The following CSMD1 variants were observed in gnomAD, a reference collection of about 807,000 sequenced individuals.
CSMD1 encodes CUB and sushi domain-containing protein 1.
A neutral mutation model predicts 417.5 loss-of-function variants in CSMD1; 213 were observed. The observed-to-expected ratio is 0.51, with a 90% CI of 0.46 to 0.57. The LOEUF (loss-of-function observed/expected upper bound fraction) is 0.57, where lower values mean the gene tolerates loss of function less well. Ranked by LOEUF, CSMD1 falls within the 20% of genes least tolerant of loss-of-function variation. CSMD1 has a pLI of 0.00. For synonymous variants in CSMD1, 2,862 were observed against 1,736.8 expected, an observed-to-expected ratio of 1.65 and a Z score of -16.11; for missense variants, 6,923 against 4,529.7, an observed-to-expected ratio of 1.53 and a Z score of -15.17.
intron 27 of CSMD1, among the ~76,000 whole-genome samples, chr8:3,229,662 T>C (rs908282657): frequency 1.3e-5 from 2 of 152,180 alleles, no homozygotes; most frequent in African/African-American, 4.8e-5. Flanking sequence ...AAAGTACTTT[T>C]AGTGAGTAGG....
intron 3 of CSMD1, among the ~76,000 whole-genome samples, chr8:4,392,890 A>C (rs1464261612): frequency 4.6e-5 from 7 of 151,870 alleles, no homozygotes; most frequent in Admixed American, 2.6e-4. Context: ...AATTGCTTGA[A>C]CCCAGGAGAC....
At chr8:3,437,830 C>T (rs1468911682) in intron 12 of CSMD1, among the ~76,000 whole-genome samples, 1 of 151,990 alleles carries the variant, frequency 6.6e-6, no homozygotes, top group Non-Finnish European at 1.5e-5. Flanking sequence ...TCACTGCAAC[C>T]TCAGCCTCCT....
At chr8:4,044,648 G>A (rs6988830) in intron 3 of CSMD1, among the ~76,000 whole-genome samples, 31 of 126,692 alleles carry the variant, frequency 2.4e-4, no homozygotes, top group Admixed American at 2.1e-3. Flanking sequence ...CACCCTGTAC[G>A]TGTACCACCC....
At chr8:4,228,023 C>G (rs373413410) in intron 3 of CSMD1, among the ~76,000 whole-genome samples, 2 of 150,810 alleles carry the variant, frequency 1.3e-5, no homozygotes, top group African/African-American at 4.9e-5. Context: ...ATACCCTCCA[C>G]CCCACATTAA....
intron 1 of CSMD1, among the ~76,000 whole-genome samples, chr8:4,719,346 G>T (rs576594052): frequency 6.6e-6 from 1 of 152,106 alleles, no homozygotes; most frequent in East Asian, 1.9e-4. Context: ...TCTCTCTCAC[G>T]TGCCAATGCG....
intron 3 of CSMD1, among the ~76,000 whole-genome samples, chr8:4,085,054 A>G (rs1354054544): frequency 2.6e-5 from 4 of 152,190 alleles, no homozygotes; most frequent in Admixed American, 6.5e-5. Flanking sequence ...TTCATAAGCA[A>G]TATGTTGCCA....
At chr8:4,143,308 C>G (rs1803905052) in intron 3 of CSMD1, among the ~76,000 whole-genome samples, 1 of 149,360 alleles carries the variant, frequency 6.7e-6, no homozygotes, top group African/African-American at 2.5e-5. Flanking sequence ...TGTAGTATTG[C>G]TTTTTATTTC....
chr8:3,982,746 G>C (rs1358126335), intron 5 of CSMD1, among the ~76,000 whole-genome samples: 1 of 152,112 alleles, frequency 6.6e-6, no homozygotes. Flanking sequence ...GGCTTAACGT[G>C]GAAGGAGCTG....
intron 3 of CSMD1, among the ~76,000 whole-genome samples, chr8:4,325,466 A>C (rs1471142494): frequency 6.6e-6 from 1 of 152,180 alleles, no homozygotes; most frequent in Admixed American, 6.5e-5. Flanking sequence ...AGAATCGTCT[A>C]CTTTCAAGCG....
At position 3,967,390 on chromosome 8, in the gene CSMD1, G is replaced by A. The variant is rs1812749828; in HGVS notation, c.818+30513C>T. On this transcript the variant is annotated intron_variant, in intron 5 of 69. Transcript: ENST00000635120. Reference sequence around the variant, plus strand: ...GAACTGCAGGCTCATTATTCTCTAGGGAGGTTGTCATTCAACCTGTATCAC... The same window carrying A: ...GAACTGCAGGCTCATTATTCTCTAGAGAGGTTGTCATTCAACCTGTATCAC... 3.3e-5 allele frequency among the ~76,000 whole-genome samples: 5 copies of A among 151,962 alleles called. No homozygotes were observed. The South Asian group carries it at 6.2e-4, about 19-fold the overall frequency.
intron 36 of CSMD1, among the ~76,000 whole-genome samples, chr8:3,186,551 T>C (rs1397491523): frequency 6.6e-6 from 1 of 152,180 alleles, no homozygotes; most frequent in Non-Finnish European, 1.5e-5. Flanking sequence ...TTGAACCATT[T>C]GAAGTGATAA....
At chr8:3,096,403 G>A (rs1460872138) in intron 47 of CSMD1, among the ~76,000 whole-genome samples, 1 of 152,128 alleles carries the variant, frequency 6.6e-6, no homozygotes, top group Non-Finnish European at 1.5e-5. Context: ...CACAAGATCT[G>A]ATGGTTTTAA....
At position 4,129,680 on chromosome 8, in the gene CSMD1, A is replaced by C. The variant is rs1422327384; in HGVS notation, c.416-97581T>G. On this transcript the variant is annotated intron_variant, in intron 3 of 69. Coordinates refer to ENST00000635120, the MANE Select transcript of CSMD1 (RefSeq NM_033225.6). ...TGTCCCAATGTTCTGAAATCACCTA[A>C]TGACATTTTGTTATACAAGTCCATT... Among the ~76,000 whole-genome samples, 4 of 152,180 alleles carry C rather than the reference A, an allele frequency of 2.6e-5. No homozygotes were observed. In the East Asian group the frequency reaches 7.7e-4, roughly 29 times the overall value.
chr8:3,662,855 G>T (rs558746666), intron 7 of CSMD1, among the ~76,000 whole-genome samples: 26 of 152,100 alleles, frequency 1.7e-4, no homozygotes, highest in South Asian at 2.1e-4. Flanking sequence ...GGGGGAAAGA[G>T]GGGGGAGAGC....
At chr8:3,931,828 G>C (rs1158493687) in intron 5 of CSMD1, among the ~76,000 whole-genome samples, 1 of 147,844 alleles carries the variant, frequency 6.8e-6, no homozygotes, top group Admixed American at 6.7e-5. Context: ...TTCAAGCAGA[G>C]GACTGGGCTA....
chr8:3,019,652 T>A (rs1445220119), intron 51 of CSMD1, among the ~76,000 whole-genome samples: 1 of 152,226 alleles, frequency 6.6e-6, no homozygotes, highest in Admixed American at 6.5e-5. Flanking sequence ...GGGGTGACCC[T>A]ATGCCCCATG....
chr8:4,710,091 G>A lies in CSMD1; in HGVS notation c.86-72533C>T, dbSNP rs73514803. Among the ~76,000 whole-genome samples the A allele has an allele frequency of 6.6e-3, 1,010 of 152,012 alleles. 13 individuals carry two copies. Among genetic ancestry groups the A allele is most frequent in the African/African-American group, 0.023 (953 of 41,480 alleles). On this transcript the variant is annotated intron_variant, in intron 1 of 69. Transcript: ENST00000635120. ...ATCTGGGGCAAGAACACAAAATATCGCCCAAGGAAAAGCAAGTTCTGATAA... is the reference window on the plus strand; with the variant it reads ...ATCTGGGGCAAGAACACAAAATATCACCCAAGGAAAAGCAAGTTCTGATAA...
chr8:3,697,709 T>C (rs1370235061), intron 7 of CSMD1, among the ~76,000 whole-genome samples: 1 of 152,234 alleles, frequency 6.6e-6, no homozygotes, highest in Non-Finnish European at 1.5e-5. Context: ...TACATAGGAA[T>C]AGAAAGTAAT....
chr8:4,270,746 AGT>A (rs1804534841), intron 3 of CSMD1, among the ~76,000 whole-genome samples: 1 of 152,190 alleles, frequency 6.6e-6, no homozygotes, highest in Non-Finnish European at 1.5e-5. Flanking sequence ...GTTTGAGGAC[AGT>A]GCTACTCATC....
Sources: gnomAD v4.1 joint callset for allele counts (sites outside exome capture counted in the v4.1 genomes callset) on GRCh38, gnomAD v4.1.1 for gene constraint, MANE v1.5 for transcripts, NCBI Gene and HGNC (gene_info 2026-07-23, HGNC 2026-07-21) for gene names.